Variants in DDX41 observed in about 807,000 individuals in gnomAD.
The protein encoded by DDX41 is DEAD-box helicase 41.
DDX41 carries 50 observed loss-of-function variants against 78.8 expected under a neutral mutation model. The observed-to-expected ratio is 0.63, with a 90% CI of 0.51 to 0.80. The LOEUF is 0.80. Among genes scored for constraint, DDX41 ranks in the 30% least tolerant of loss-of-function variants. The probability of loss-of-function intolerance (pLI) is 0.00; values close to 1 mark genes in which losing one functional copy is unlikely to be tolerated. For missense variants in DDX41, 633 were observed against 849.2 expected (o/e 0.75, Z 3.16); for synonymous variants, 381 against 321.5 (o/e 1.19, Z -1.98).
In DDX41 at chr5:177,514,432, C is replaced by T; in HGVS notation, c.935+269G>A. On this transcript the variant is annotated intron_variant, in intron 9 of 16. Coordinates refer to ENST00000330503, the MANE Select transcript of DDX41 (RefSeq NM_016222.4). The surrounding 1 kb of genome is among the most constrained non-coding windows in gnomAD (Gnocchi z 4.2). ...CTGCCCCTCTTCCCAATTCAAATGT[C>T]ACCTTCCCGGAAAAGCCTTCTCTGA... The T allele has an allele frequency of 1.8e-6, 1 of 562,140 alleles. No individual in the cohort carries two copies. Among genetic ancestry groups the T allele is most frequent in the Non-Finnish European group, 3.2e-6 (1 of 313,712 alleles). The allele number at this position is 562,140 out of a possible 1,614,324, so 34.8% of individuals were successfully genotyped here.
At position 177,512,118 on chromosome 5, in the gene DDX41, A is replaced by T. The variant is rs1222072296; in HGVS notation, c.1710T>A (p.Asp570Glu). The T allele has an allele frequency of 6.2e-7, 1 of 1,613,346 alleles. No homozygotes were observed. The highest frequency in any genetic ancestry group is 1.1e-5 in the South Asian group (1 of 91,068). The change falls in exon 16 of 17, where the codon GAT (aspartate) becomes GAA (glutamate). Residue 570 changes from aspartate to glutamate, a missense_variant. Around this residue, in one of 6 missense-constraint regions of DDX41, gnomAD observed 185 missense variants for 367.4 expected, o/e 0.50. Transcript: ENST00000330503. Reference sequence around the variant, plus strand: ...CACCTCCAATGTCCAGCATGGACTCATCCCCGCAATGCAGCACCTGCAGCA... The same window carrying T: ...CACCTCCAATGTCCAGCATGGACTCTTCCCCGCAATGCAGCACCTGCAGCA... ...PPVLQVLHCG[D>E]ESMLDIGGER...
rs1337932783 is a variant in DDX41, at chr5:177,514,401, C to T, written c.935+300G>A. 6.0e-6 allele frequency: 3 copies of T among 501,816 alleles called. No homozygotes were observed. Among genetic ancestry groups the T allele is most frequent in the African/African-American group, 1.9e-5 (1 of 51,768 alleles). The allele number at this position is 501,816 out of a possible 1,614,324, so 31.1% of individuals were successfully genotyped here. ...GGGCCGTCCGCCTCTGTGCTTTCAG[C>T]CTGGACTGCCCCTCTTCCCAATTCA... is the stretch of plus-strand genomic sequence containing the variant. On this transcript the variant is annotated intron_variant, in intron 9 of 16. Transcript: ENST00000330503. This position sits in a 1 kb window ranked among gnomAD's most constrained non-coding sequence, Gnocchi z 4.2.
At chr5:177,516,562 CCTCAG>C in intron 2 of DDX41, 115 bp from the exon 3 acceptor site, 1 of 1,443,734 alleles carries the variant, frequency 6.9e-7, no homozygotes, top group South Asian at 1.2e-5. Flanking sequence ...CTGCCCTACC[CCTCAG>C]ATCAAGCCGT....
Position 177,516,104 on chromosome 5 carries a change from T to C in DDX41, c.373+15A>G. 4.3e-6 allele frequency: 7 copies of C among 1,614,058 alleles called. No homozygotes were observed. The highest frequency in any genetic ancestry group is 5.9e-6 in the Non-Finnish European group (7 of 1,180,020). On this transcript the variant is annotated intron_variant, in intron 4 of 16. Transcript: ENST00000330503. ...GACTCAGTCCACCTTCTCACTATCCTGGCTACAACCATACCTCGGCCCTCG... is the reference window on the plus strand; with the variant it reads ...GACTCAGTCCACCTTCTCACTATCCCGGCTACAACCATACCTCGGCCCTCG...
rs748983205 is a variant in DDX41, at chr5:177,512,380, G to A, written c.1563C>T (p.Gly521=). ...EEIENYVHRI[G]RTGRSGNTGI... ...CTGTGTTTCCCGAGCGCCCGGTGCG[G>A]CCAATCCGGTGTACTGCAGAGAGAA... Residue 521 remains glycine (G), a synonymous_variant, in exon 15 of 17, where the codon GGC becomes GGT. Transcript: ENST00000330503. 3.0e-5 allele frequency: 49 copies of A among 1,613,930 alleles called. No individual in the cohort carries two copies. Among genetic ancestry groups the A allele is most frequent in the Non-Finnish European group, 4.2e-5 (49 of 1,180,014 alleles).
rs1018384943 is a variant in DDX41 at position 177,511,718 on chromosome 5, G to A, written c.*73C>T. The A allele has an allele frequency of 1.3e-6, 2 of 1,588,830 alleles. No individual in the cohort carries two copies. The highest frequency in any genetic ancestry group is 2.7e-5 in the African/African-American group (2 of 74,590). On this transcript the variant is annotated 3_prime_UTR_variant, in exon 17 of 17. Coordinates refer to ENST00000330503, the MANE Select transcript of DDX41 (RefSeq NM_016222.4). ...AGCTGAAATGCTGATTCTGTCCAGG[G>A]GGCTGCTGTATGTGTAGACTGGTGG... is the stretch of plus-strand genomic sequence containing the variant.
At position 177,513,149 on chromosome 5, in the gene DDX41, C is replaced by A; in HGVS notation, c.1231-67G>T. The A allele has an allele frequency of 1.3e-6, 2 of 1,567,424 alleles. No homozygotes were observed. Among genetic ancestry groups the A allele is most frequent in the South Asian group, 1.2e-5 (1 of 86,502 alleles). ...CTTACCCGCCACAGCCCTGCCATGG[C>A]CCGTCATCTGGACCAGGAGGTGACC... On this transcript the variant is annotated intron_variant, in intron 11 of 16. Transcript: ENST00000330503. The surrounding 1 kb of genome is among the most constrained non-coding windows in gnomAD (Gnocchi z 4.6).
In DDX41 at chr5:177,516,814, G is replaced by C. The variant is rs1761259570; in HGVS notation, c.49C>G (p.Pro17Ala). 1.9e-6 allele frequency: 3 copies of C among 1,612,412 alleles called. No individual in the cohort carries two copies. The highest frequency in any genetic ancestry group is 1.6e-4 in the Middle Eastern group (1 of 6,084). The change falls in exon 2 of 17, where the codon CCT becomes GCT. Residue 17 changes from proline to alanine, a missense_variant. Pro to Ala is a conservative substitution (Grantham distance 27). This residue lies in a region of DDX41 where 140 missense variants were observed against 115.2 expected (regional missense o/e 1.22). Transcript: ENST00000330503. ...ERKRARTDEVPAGGSRSEAED... is the reference protein window; with the variant it reads ...ERKRARTDEVAAGGSRSEAED... Reference sequence around the variant, plus strand: ...GCCTCGGAGCGGCTTCCTCCGGCAGGCACCTCGTCGGTGCGAGCCCGCTGC... The same window carrying C: ...GCCTCGGAGCGGCTTCCTCCGGCAGCCACCTCGTCGGTGCGAGCCCGCTGC...
chr5:177,512,532 T>C lies in DDX41; in HGVS notation c.1513A>G (p.Ile505Val), dbSNP rs1481054471. 6.2e-7 allele frequency: 1 copy of C among 1,614,190 alleles called. No individual in the cohort carries two copies. The highest frequency in any genetic ancestry group is 1.1e-5 in the South Asian group (1 of 91,078). The change falls in exon 14 of 17, where the codon ATC becomes GTC. Residue 505 changes from isoleucine to valine, a missense_variant. By Grantham distance (29) the Ile-to-Val change is conservative. Around this residue, in one of 6 missense-constraint regions of DDX41, gnomAD observed 185 missense variants for 367.4 expected, o/e 0.50. Coordinates refer to ENST00000330503, the MANE Select transcript of DDX41 (RefSeq NM_016222.4). ...ATCTCCTCTGGCATGTCATAATTGA[T>C]GACGTGCTGGATGGCAGGGAAGTCC... ...GLDFPAIQHV[I>V]NYDMPEEIEN... is the part of the protein sequence containing the mutation.
rs1761141941 is a variant in DDX41, at chr5:177,514,751, G to C, written c.885C>G (p.Ala295=). ...TCACGGACATGCCCCCAATGCAGAG[G>C]GCGCAGCGCAGGAGTGGTGAGCTGT... ...QEDSSPLLRC[A]LCIGGMSVKE... is the part of the protein sequence containing the mutation. Residue 295 remains alanine (A), a synonymous_variant, in exon 9 of 17, where the codon GCC becomes GCG. Coordinates refer to ENST00000330503, the MANE Select transcript of DDX41 (RefSeq NM_016222.4). This position sits in a 1 kb window ranked among gnomAD's most constrained non-coding sequence, Gnocchi z 4.2. The C allele has an allele frequency of 6.2e-7, 1 of 1,612,720 alleles. No individual in the cohort carries two copies. Among genetic ancestry groups the C allele is most frequent in the African/African-American group, 1.3e-5 (1 of 74,942 alleles).
At chr5:177,516,628 C>T (rs1761246690) in intron 2 of DDX41, 97 bp downstream of exon 2, 1 of 1,417,340 alleles carries the variant, frequency 7.1e-7, no homozygotes, top group Admixed American at 2.0e-5. Flanking sequence ...AAGCTCACTC[C>T]TCAGACTGCC....
At position 177,516,105 on chromosome 5, in the gene DDX41, G is replaced by T. The variant is rs372167690; in HGVS notation, c.373+14C>A. The T allele has an allele frequency of 3.1e-6, 5 of 1,613,868 alleles. No homozygotes were observed. In the African/African-American group the frequency reaches 6.7e-5, roughly 22 times the overall value. On this transcript the variant is annotated intron_variant, in intron 4 of 16. Coordinates refer to ENST00000330503, the MANE Select transcript of DDX41 (RefSeq NM_016222.4). ...ACTCAGTCCACCTTCTCACTATCCT[G>T]GCTACAACCATACCTCGGCCCTCGG...
chr5:177,516,272 G>C lies in DDX41; in HGVS notation c.298+16C>G. 1 of 1,614,144 alleles carries C rather than the reference G, an allele frequency of 6.2e-7. No individual in the cohort carries two copies. The highest frequency in any genetic ancestry group is 8.5e-7 in the Non-Finnish European group (1 of 1,180,030). The stretch of plus-strand genomic sequence containing the variant: ...CAGCTTCTTCTTTCTCGCCCAGGCA[G>C]TGCTGCCCAGCCCACCTTCAGCCTT... On this transcript the variant is annotated intron_variant, in intron 3 of 16. Transcript: ENST00000330503.
rs1026972034 is a variant in DDX41 at position 177,514,259 on chromosome 5, C to T, written c.936-412G>A. ...GTGAACAGAGGGCCTGGTCCAGGGC[C>T]TCTGGTGGTCTGCAGAGGACTGCAC... On this transcript the variant is annotated intron_variant, in intron 9 of 16. Coordinates refer to ENST00000330503, the MANE Select transcript of DDX41 (RefSeq NM_016222.4). The surrounding 1 kb of genome is among the most constrained non-coding windows in gnomAD (Gnocchi z 4.2). 9 of 488,842 alleles carry T rather than the reference C, an allele frequency of 1.8e-5. No homozygotes were observed. The highest frequency in any genetic ancestry group is 3.1e-5 in the South Asian group (2 of 64,840). 30.3% of individuals were successfully genotyped at this position (488,842 alleles called of 1,614,324 possible).
intron 2 of DDX41, 82 bp from the exon 3 acceptor site, chr5:177,516,529 G>T: frequency 6.4e-7 from 1 of 1,561,612 alleles, no homozygotes; most frequent in Non-Finnish European, 8.7e-7. Context: ...TTGGGGCGAG[G>T]ATCCTGTGCC....
chr5:177,513,466 G>A lies in DDX41; in HGVS notation c.1117C>T (p.Leu373Phe). Residue 373 changes from leucine (L) to phenylalanine (F), a missense_variant, in exon 11 of 17, where the codon CTC (leucine) becomes TTC (phenylalanine). Transcript: ENST00000330503. This position sits in a 1 kb window ranked among gnomAD's most constrained non-coding sequence, Gnocchi z 4.6. ...TTCTTCGGCATGGTGGCACTGAAGAGCAGGGTCTGTCGCTGGCCCTGAGGA... is the reference window on the plus strand; with the variant it reads ...TTCTTCGGCATGGTGGCACTGAAGAACAGGGTCTGTCGCTGGCCCTGAGGA... Reference protein sequence around the residue: ...SYFKGQRQTLLFSATMPKKIQ... With the variant: ...SYFKGQRQTLFFSATMPKKIQ... The A allele has an allele frequency of 6.2e-7, 1 of 1,614,186 alleles. No homozygotes were observed.
In DDX41 at chr5:177,511,766, TTGGAGAGAAGGGAAGAC is replaced by T; in HGVS notation, c.*8_*24del. On this transcript the variant is annotated 3_prime_UTR_variant, in exon 17 of 17. Transcript: ENST00000330503. The stretch of plus-strand genomic sequence containing the variant: ...TGGCAGTCTTGGGGACTGAGGCCTC[TTGGAGAGAAGGGAAGAC>T]TGTCGGCTCAGAAGTCCATGGAGCT... 1 of 1,613,448 alleles carries T rather than the reference TTGGAGAGAAGGGAAGAC, an allele frequency of 6.2e-7. No individual in the cohort carries two copies. Among genetic ancestry groups the T allele is most frequent in the Non-Finnish European group, 8.5e-7 (1 of 1,179,556 alleles).
In DDX41 at chr5:177,513,498, G is replaced by A. The variant is rs1435845496; in HGVS notation, c.1099-14C>T. Reference sequence around the variant, plus strand: ...CTGTCGCTGGCCCTGAGGAAGAGGGGGGCTGCGACCAAGGGCACACAGGGC... The same window carrying A: ...CTGTCGCTGGCCCTGAGGAAGAGGGAGGCTGCGACCAAGGGCACACAGGGC... On this transcript the variant is annotated splice_polypyrimidine_tract_variant and intron_variant, in intron 10 of 16. Coordinates refer to ENST00000330503, the MANE Select transcript of DDX41 (RefSeq NM_016222.4). The surrounding 1 kb of genome is among the most constrained non-coding windows in gnomAD (Gnocchi z 4.6). 2.5e-6 allele frequency: 4 copies of A among 1,613,964 alleles called. No homozygotes were observed. Among genetic ancestry groups the A allele is most frequent in the South Asian group, 1.1e-5 (1 of 91,084 alleles).
At position 177,515,236 on chromosome 5, in the gene DDX41, C is replaced by T. The variant is rs759325258; in HGVS notation, c.594G>A (p.Lys198=). ...FPAAILRGLK[K]KGIHHPTPIQ... is the part of the protein sequence containing the mutation. ...TGGGTGTTGGGTGGTGAATGCCTTT[C>T]TTCTTCAGGCCTCTCAGGATGGCTA... Residue 198 remains lysine (K), a synonymous_variant, in exon 7 of 17, where the codon AAG becomes AAA. Transcript: ENST00000330503. 1.9e-5 allele frequency: 30 copies of T among 1,613,882 alleles called. No individual in the cohort carries two copies. Among genetic ancestry groups the T allele is most frequent in the Non-Finnish European group, 5.1e-6 (6 of 1,180,032 alleles).
Sources: gnomAD v4.1 joint callset for allele counts on GRCh38, gnomAD v4.1.1 for gene constraint, gnomAD v4.1.1 regional missense constraint, Gnocchi (gnomAD v3.1) non-coding constraint, MANE v1.5 for transcripts, NCBI Gene and HGNC (gene_info 2026-07-23, HGNC 2026-07-21) for gene names.